MDM4: variants seen among roughly 807,000 people sequenced by gnomAD.
MDM4 encodes MDM4 regulator of p53.
A neutral mutation model predicts 60.2 loss-of-function variants in MDM4; 2 were observed. The ratio of observed to expected loss-of-function variants is 0.03; its 90% CI spans 0.01 to 0.10. The LOEUF is 0.10. Ranked by LOEUF, MDM4 falls within the 10% of genes least tolerant of loss-of-function variation. MDM4 has a pLI of 1.00. For synonymous variants in MDM4, 202 were observed against 198.1 expected, an observed-to-expected ratio of 1.02 and a Z score of -0.17; for missense variants, 447 against 577.5, an observed-to-expected ratio of 0.77 and a Z score of 2.32.
In MDM4 at chr1:204,549,481, A is replaced by G; in HGVS notation, c.1272A>G (p.Thr424=). The G allele has an allele frequency of 6.2e-7, 1 of 1,610,850 alleles. No homozygotes were observed. Among genetic ancestry groups the G allele is most frequent in the Non-Finnish European group, 8.5e-7 (1 of 1,179,016 alleles). ...LDNLSEQRTD[T]ENMEDCQNLL... is the part of the protein sequence containing the mutation. ...ACCTTTCTGAACAGAGAACAGATAC[A>G]GAAAACATGGAGGATTGCCAGAATC... The change falls in exon 11 of 11, where the codon ACA becomes ACG. Residue 424 remains threonine, a synonymous_variant. Transcript: ENST00000367182.
intron 5 of MDM4, chr1:204,532,743 G>C (rs986371181): frequency 1.2e-6 from 2 of 1,605,946 alleles, no homozygotes; most frequent in South Asian, 1.1e-5. Context: ...CTTTCCTTTT[G>C]TTTTCATGTC....
chr1:204,549,713 C>G lies in MDM4; in HGVS notation c.*31C>G. 1.6e-6 allele frequency: 2 copies of G among 1,220,438 alleles called. No homozygotes were observed. The highest frequency in any genetic ancestry group is 2.3e-6 in the Non-Finnish European group (2 of 873,148). The allele number at this position is 1,220,438 out of a possible 1,614,324, so 75.6% of individuals were successfully genotyped here. On this transcript the variant is annotated 3_prime_UTR_variant, in exon 11 of 11. Transcript: ENST00000367182. ...GTACGAACATAAAAATGCATTTATT[C>G]CGTTCACTTACCACATTATTTGAAA...
rs56047802 is a variant in MDM4 at position 204,551,461 on chromosome 1, CTTTTTTTT to C, written c.*1801_*1808del. ...ATACTGGATGGTTGAGAGGCAGCCT[CTTTTTTTT>C]TTTTTTTTTTTTTTTTTTTTTGGAG... On this transcript the variant is annotated 3_prime_UTR_variant, in exon 11 of 11. Transcript: ENST00000367182. 0.02 allele frequency: 1,784 copies of C among 90,326 alleles called. No homozygotes were observed. The highest frequency in any genetic ancestry group is 0.085 in the East Asian group (581 of 6,866). The allele number at this position is 90,326 out of a possible 1,614,324, so 5.6% of individuals were successfully genotyped here.
intron 3 of MDM4, among the ~76,000 whole-genome samples, chr1:204,527,061 G>A (rs1192103371): frequency 1.3e-5 from 2 of 151,884 alleles, no homozygotes; most frequent in Non-Finnish European, 2.9e-5. Flanking sequence ...TTGGGAGGCT[G>A]AGGTGGAGGG....
Position 204,532,180 on chromosome 1 carries a change from C to G in MDM4, c.288-11C>G, listed in dbSNP as rs748427127. 26 of 1,573,480 alleles carry G rather than the reference C, an allele frequency of 1.7e-5. No individual in the cohort carries two copies. Among genetic ancestry groups the G allele is most frequent in the Non-Finnish European group, 1.7e-6 (2 of 1,144,886 alleles). ...TGGGGTTGTTAATTTTTTATCTTCTCTCTTTAACAGCCCTCTCTATGATAT... is the reference window on the plus strand; with the variant it reads ...TGGGGTTGTTAATTTTTTATCTTCTGTCTTTAACAGCCCTCTCTATGATAT... On this transcript the variant is annotated splice_polypyrimidine_tract_variant and intron_variant, in intron 4 of 10. Coordinates refer to ENST00000367182, the MANE Select transcript of MDM4 (RefSeq NM_002393.5).
At chr1:204,524,880 C>T (rs1659959816) in intron 1 of MDM4, among the ~76,000 whole-genome samples, 1 of 152,174 alleles carries the variant, frequency 6.6e-6, no homozygotes, top group African/African-American at 2.4e-5. Flanking sequence ...CTCTGTATTT[C>T]ACTTCATGCT....
chr1:204,557,867 A>G lies in MDM4; in HGVS notation c.*8185A>G, dbSNP rs935302552. 5.3e-6 allele frequency: 1 copy of G among 187,078 alleles called. No individual in the cohort carries two copies. Among genetic ancestry groups the G allele is most frequent in the African/African-American group, 2.3e-5 (1 of 42,690 alleles). 11.6% of individuals were successfully genotyped at this position (187,078 alleles called of 1,614,324 possible). The stretch of plus-strand genomic sequence containing the variant: ...CAGCAATTTAAAATAACTTTTTGGG[A>G]GACTGAATTGAGTAATAATAAAACT... On this transcript the variant is annotated 3_prime_UTR_variant, in exon 11 of 11. Transcript: ENST00000367182.
intron 5 of MDM4, chr1:204,532,847 T>G: frequency 6.3e-7 from 1 of 1,597,756 alleles, no homozygotes; most frequent in Non-Finnish European, 8.5e-7. Context: ...TTTAATGTGT[T>G]TCTTTACCCT....
chr1:204,539,517 T>C (rs1023889670), intron 7 of MDM4, among the ~76,000 whole-genome samples: 1 of 138,498 alleles, frequency 7.2e-6, no homozygotes, highest in Non-Finnish European at 1.6e-5. Flanking sequence ...TGAAAACTTG[T>C]TTTTTTTTTT....
intron 1 of MDM4, among the ~76,000 whole-genome samples, chr1:204,523,103 T>G (rs1340602141): frequency 6.6e-6 from 1 of 150,800 alleles, no homozygotes; most frequent in Non-Finnish European, 1.5e-5. Context: ...CCTCAGGTGA[T>G]CCACCTTCCT....
At position 204,550,954 on chromosome 1, in the gene MDM4, CT is replaced by C. The variant is rs1663145685; in HGVS notation, c.*1274del. On this transcript the variant is annotated 3_prime_UTR_variant, in exon 11 of 11. Transcript: ENST00000367182. ...ATTTAATTAGCCAAATCAGACTTAA[CT>C]TCCGTCAGAACATGTCTTGGTTTTA... 1 of 184,342 alleles carries C rather than the reference CT, an allele frequency of 5.4e-6. No homozygotes were observed. The highest frequency in any genetic ancestry group is 2.3e-5 in the African/African-American group (1 of 42,588). 11.4% of individuals were successfully genotyped at this position (184,342 alleles called of 1,614,324 possible).
chr1:204,545,013 C>T lies in MDM4; in HGVS notation c.822+329C>T, dbSNP rs560705228. On this transcript the variant is annotated intron_variant, in intron 9 of 10. Coordinates refer to ENST00000367182, the MANE Select transcript of MDM4 (RefSeq NM_002393.5). ...GTGGACCACATGCGGCCCAGAACAA[C>T]TTTGAATCAACACAAATTCATAAAC... 8.5e-5 allele frequency among the ~76,000 whole-genome samples: 13 copies of T among 152,230 alleles called. No homozygotes were observed. In the South Asian group the frequency reaches 2.7e-3, roughly 32 times the overall value.
chr1:204,520,043 C>T (rs1035108468), intron 1 of MDM4, among the ~76,000 whole-genome samples: 6 of 152,040 alleles, frequency 3.9e-5, no homozygotes, highest in East Asian at 3.9e-4. Flanking sequence ...TTTGGGAGGC[C>T]GAGGCGGGCG....
intron 1 of MDM4, among the ~76,000 whole-genome samples, chr1:204,517,062 G>A (rs1659052997): frequency 6.6e-6 from 1 of 152,024 alleles, no homozygotes; most frequent in Admixed American, 6.6e-5. Context: ...CCAACCTGGT[G>A]AAACCCCGTC....
intron 3 of MDM4, chr1:204,529,448 A>G: frequency 6.6e-7 from 1 of 1,514,864 alleles, no homozygotes; most frequent in African/African-American, 1.4e-5. Flanking sequence ...GAGCTGTACC[A>G]TCATTTGGTC....
In MDM4 at chr1:204,549,374, T is replaced by G; in HGVS notation, c.1165T>G (p.Cys389Gly). The G allele has an allele frequency of 6.2e-7, 1 of 1,614,114 alleles. No homozygotes were observed. The highest frequency in any genetic ancestry group is 8.5e-7 in the Non-Finnish European group (1 of 1,180,018). Residue 389 changes from cysteine to glycine, a missense_variant, in exon 11 of 11, where the codon TGC (cysteine) becomes GGC (glycine). Cys to Gly is a radical substitution (Grantham distance 159). This residue lies in a region of MDM4 where 117 missense variants were observed against 114.5 expected (regional missense o/e 1.02). Coordinates refer to ENST00000367182, the MANE Select transcript of MDM4 (RefSeq NM_002393.5). ...AGAAAACTCCAAACTTTTTGATCCC[T>G]GCAACTCAGTGGAATTCTTGGATTT... The part of the protein sequence containing the change: ...KKENSKLFDP[C>G]NSVEFLDLAH...
At chr1:204,521,769 T>C (rs552392513) in intron 1 of MDM4, among the ~76,000 whole-genome samples, 1 of 152,216 alleles carries the variant, frequency 6.6e-6, no homozygotes, top group Non-Finnish European at 1.5e-5. Flanking sequence ...TGCTCTACCA[T>C]GTATGTAGTT....
At position 204,536,364 on chromosome 1, in the gene MDM4, C is replaced by T. The variant is rs182777071; in HGVS notation, c.344-1066C>T. ...AAACTTTTTGTTGTCTCCGTTTGTC[C>T]ACAAAAATGTTTCTGGAAATAATGT... On this transcript the variant is annotated intron_variant, in intron 5 of 10. Transcript: ENST00000367182. Among the ~76,000 whole-genome samples, 655 of 152,296 alleles carry T rather than the reference C, an allele frequency of 4.3e-3. 1 individual carries two copies. Among genetic ancestry groups the T allele is most frequent in the Non-Finnish European group, 6.6e-3 (446 of 68,022 alleles).
chr1:204,525,641 TTAA>T, intron 2 of MDM4, 45 bp downstream of exon 2: 4 of 1,349,172 alleles, frequency 3.0e-6, no homozygotes, highest in Non-Finnish European at 4.1e-6. Flanking sequence ...TTTTTTTTTT[TTAA>T]TTTTTAAAAA....
Sources: gnomAD v4.1 joint callset for allele counts (sites outside exome capture counted in the v4.1 genomes callset) on GRCh38, gnomAD v4.1.1 for gene constraint, gnomAD v4.1.1 regional missense constraint, MANE v1.5 for transcripts, NCBI Gene and HGNC (gene_info 2026-07-23, HGNC 2026-07-21) for gene names.